Variants in TNNI3K observed in about 807,000 individuals in gnomAD.
TNNI3K encodes TNNI3 interacting kinase.
In TNNI3K, 140 loss-of-function variants were observed where a neutral mutation model predicts 114.5. The observed-to-expected ratio is 1.22, with a 90% CI of 1.07 to 1.41. TNNI3K has a LOEUF of 1.41. Among genes scored for constraint, TNNI3K ranks in the 40% most tolerant of loss-of-function variants. The pLI is 0.00. For missense variants in TNNI3K, 1,125 were observed against 1,007.6 expected, an observed-to-expected ratio of 1.12 and a Z score of -1.58; for synonymous variants, 347 against 347.5, an observed-to-expected ratio of 1.00 and a Z score of 0.02.
At chr1:74,446,741 T>C (rs1347333229) in intron 20 of TNNI3K, among the ~76,000 whole-genome samples, 6 of 143,448 alleles carry the variant, frequency 4.2e-5, no homozygotes, top group Non-Finnish European at 9.1e-5. Flanking sequence ...AGGGATCCAG[T>C]TTCAGCTTTC....
intron 5 of TNNI3K, 56 bp from the exon 6 acceptor site, chr1:74,331,394 C>G: frequency 1.3e-6 from 2 of 1,559,794 alleles, no homozygotes; most frequent in Non-Finnish European, 1.7e-6. Context: ...TAAACTGAAT[C>G]TTAATAGGCA....
chr1:74,381,411 C>A (rs1428696307), intron 17 of TNNI3K, among the ~76,000 whole-genome samples: 2 of 152,112 alleles, frequency 1.3e-5, no homozygotes, highest in South Asian at 2.1e-4. Context: ...CTTCTTTATT[C>A]TTTCGAAAGA....
chr1:74,258,923 T>G (rs2100866877), intron 4 of TNNI3K, among the ~76,000 whole-genome samples: 1 of 152,284 alleles, frequency 6.6e-6, no homozygotes, highest in East Asian at 1.9e-4. Context: ...ACAAACAACC[T>G]AGGAATTTTG....
At chr1:74,378,890 G>A (rs1272709698) in intron 17 of TNNI3K, 4 of 151,500 alleles carry the variant, frequency 2.6e-5, no homozygotes, top group Admixed American at 6.6e-5. Flanking sequence ...GGTAATAGGT[G>A]TCTGAGTAAT....
rs185817698 is a variant in TNNI3K at position 74,375,375 on chromosome 1, A to G, written c.1772+4983A>G. 10 of 252,976 alleles carry G rather than the reference A, an allele frequency of 4.0e-5. No individual in the cohort carries two copies. The East Asian group carries it at 9.0e-4, about 23-fold the overall frequency. 15.7% of individuals were successfully genotyped at this position (252,976 alleles called of 1,614,324 possible). On this transcript the variant is annotated intron_variant, in intron 17 of 24. Coordinates refer to ENST00000326637, the MANE Select transcript of TNNI3K (RefSeq NM_015978.3). ...AAACTAAGACAATAATAGCCCTTTCACAAAACAAACCTCTTTCCTGCCTGG... is the reference window on the plus strand; with the variant it reads ...AAACTAAGACAATAATAGCCCTTTCGCAAAACAAACCTCTTTCCTGCCTGG...
intron 4 of TNNI3K, among the ~76,000 whole-genome samples, chr1:74,264,208 C>T (rs561122053): frequency 1.3e-5 from 2 of 151,470 alleles, no homozygotes; most frequent in East Asian, 3.9e-4. Flanking sequence ...GTATTTCCAC[C>T]ACACTGAAAC....
intron 23 of TNNI3K, among the ~76,000 whole-genome samples, chr1:74,528,138 G>A (rs1036373715): frequency 2.6e-5 from 4 of 152,156 alleles, no homozygotes. Context: ...TGGTAAGCAG[G>A]ACATCCTACA....
At position 74,316,578 on chromosome 1, in the gene TNNI3K, A is replaced by G. The variant is rs76923930; in HGVS notation, c.445-14872A>G. 6.3e-3 allele frequency among the ~76,000 whole-genome samples: 953 copies of G among 151,984 alleles called. 10 individuals are homozygous for G. The highest frequency in any genetic ancestry group is 0.022 in the African/African-American group (909 of 41,440). On this transcript the variant is annotated intron_variant, in intron 5 of 24. Transcript: ENST00000326637. ...CTGAATGTCTTACTCCCTTACCTTC[A>G]TACAGTTCTGGTTCAAATGTAGTTT...
At chr1:74,402,115 T>C (rs146254978) in intron 17 of TNNI3K, among the ~76,000 whole-genome samples, 1,961 of 152,304 alleles carry the variant, frequency 0.013, 29 homozygotes, top group Middle Eastern at 0.034. Flanking sequence ...CATAAAGAAT[T>C]ATCCAAGTGT....
chr1:74,267,200 G>A (rs1203329153), intron 4 of TNNI3K, among the ~76,000 whole-genome samples: 1 of 151,894 alleles, frequency 6.6e-6, no homozygotes, highest in Non-Finnish European at 1.5e-5. Flanking sequence ...CAATAAATGA[G>A]ATCAAACTTA....
chr1:74,466,050 C>T lies in TNNI3K; in HGVS notation c.2121+2500C>T, dbSNP rs1340164886. On this transcript the variant is annotated intron_variant, in intron 21 of 24. Coordinates refer to ENST00000326637, the MANE Select transcript of TNNI3K (RefSeq NM_015978.3). Reference sequence around the variant, plus strand: ...CTGTGTTTATGAGCTGTAACACTGACCCCGAAGGTCTGCAGCTTCACTCCT... The same window carrying T: ...CTGTGTTTATGAGCTGTAACACTGATCCCGAAGGTCTGCAGCTTCACTCCT... 2.6e-5 allele frequency among the ~76,000 whole-genome samples: 4 copies of T among 152,286 alleles called. No individual in the cohort carries two copies. The East Asian group carries it at 7.7e-4, about 29-fold the overall frequency.
chr1:74,356,225 G>C (rs1661647550), intron 11 of TNNI3K, among the ~76,000 whole-genome samples: 1 of 152,090 alleles, frequency 6.6e-6, no homozygotes, highest in South Asian at 2.1e-4. Context: ...TCTTATCATT[G>C]TATAGTATAA....
chr1:74,382,535 TTTG>T (rs1414068200), intron 17 of TNNI3K, among the ~76,000 whole-genome samples: 1 of 152,168 alleles, frequency 6.6e-6, no homozygotes, highest in Admixed American at 6.6e-5. Context: ...GGTGAAAGGT[TTTG>T]TTGTTACTAA....
chr1:74,311,489 T>G (rs1658992705), intron 5 of TNNI3K, among the ~76,000 whole-genome samples: 1 of 152,196 alleles, frequency 6.6e-6, no homozygotes, highest in Non-Finnish European at 1.5e-5. Flanking sequence ...CTTGTATTTT[T>G]CTATGAAAAT....
At chr1:74,531,538 T>A (rs920966550) in intron 23 of TNNI3K, among the ~76,000 whole-genome samples, 4 of 152,134 alleles carry the variant, frequency 2.6e-5, no homozygotes, top group African/African-American at 9.7e-5. Flanking sequence ...GTCTGACAGA[T>A]CTGTTTTAAA....
chr1:74,512,056 G>A (rs1220656997), intron 23 of TNNI3K, among the ~76,000 whole-genome samples: 1 of 152,192 alleles, frequency 6.6e-6, no homozygotes, highest in Non-Finnish European at 1.5e-5. Flanking sequence ...CAGTCACTGA[G>A]ACCTCAGACT....
At chr1:74,371,986 C>G (rs1662630559) in intron 17 of TNNI3K, 1 of 149,826 alleles carries the variant, frequency 6.7e-6, no homozygotes, top group African/African-American at 2.5e-5. Context: ...TAACAAAATA[C>G]AGAGTTTATT....
At chr1:74,317,478 G>A (rs1300881440) in intron 5 of TNNI3K, among the ~76,000 whole-genome samples, 1 of 152,178 alleles carries the variant, frequency 6.6e-6, no homozygotes, top group Non-Finnish European at 1.5e-5. Flanking sequence ...TTTCTGGGGA[G>A]AGGAAATCTA....
At chr1:74,353,875 T>A in intron 10 of TNNI3K, 105 bp from the exon 11 acceptor site, 1 of 1,423,122 alleles carries the variant, frequency 7.0e-7, no homozygotes, top group Non-Finnish European at 9.4e-7. Flanking sequence ...CCTTACTTCA[T>A]ACCTTTGGAA....
Sources: allele counts gnomAD v4.1 joint callset (sites outside exome capture counted in the v4.1 genomes callset), GRCh38; gene constraint gnomAD v4.1.1; transcripts MANE v1.5; gene names NCBI Gene and HGNC (gene_info 2026-07-23, HGNC 2026-07-21).